Variants in CC2D1B observed in about 807,000 individuals in gnomAD.
The protein encoded by CC2D1B is coiled-coil and C2 domain containing 1B.
A neutral mutation model predicts 110.8 loss-of-function variants in CC2D1B; 92 were observed. That is an observed-to-expected ratio of 0.83 (90% CI 0.70 to 0.99). The LOEUF (loss-of-function observed/expected upper bound fraction) is 0.99, where lower values mean the gene tolerates loss of function less well. CC2D1B is among the 50% of genes least tolerant of loss of function. The pLI is 0.00. For missense variants in CC2D1B, 1,136 were observed against 1,089.0 expected, an observed-to-expected ratio of 1.04 and a Z score of -0.61; for synonymous variants, 406 against 429.2, an observed-to-expected ratio of 0.95 and a Z score of 0.67.
chr1:52,360,319 C>A, intron 6 of CC2D1B, 86 bp from the exon 7 acceptor site: 2 of 1,595,758 alleles, frequency 1.3e-6, no homozygotes, highest in South Asian at 1.1e-5. Context: ...GCCCCCCAAC[C>A]CCCAAAGTCT....
At chr1:52,354,551 T>C in intron 23 of CC2D1B, 57 bp downstream of exon 23, 4 of 1,355,324 alleles carry the variant, frequency 3.0e-6, no homozygotes, top group Non-Finnish European at 4.2e-6. Context: ...TGGCATTCAG[T>C]GCGTATTGGC....
chr1:52,365,030 A>G (rs2147899046), intron 1 of CC2D1B, among the ~76,000 whole-genome samples: 1 of 152,350 alleles, frequency 6.6e-6, no homozygotes, highest in Middle Eastern at 3.4e-3. Flanking sequence ...GCCACAACAG[A>G]CACATTCCAA....
intron 23 of CC2D1B, 63 bp from the exon 24 acceptor site, chr1:52,353,710 C>T: frequency 8.0e-7 from 1 of 1,243,474 alleles, no homozygotes; most frequent in Non-Finnish European, 1.1e-6. Context: ...CAGGCAGGTC[C>T]CTACATTCCC....
At chr1:52,354,226 G>A (rs918041404) in intron 23 of CC2D1B, 23 of 387,926 alleles carry the variant, frequency 5.9e-5, no homozygotes, top group South Asian at 4.3e-4. Flanking sequence ...ACAGTGGGAA[G>A]AGCCCCAGCC....
At chr1:52,356,693 C>G in intron 16 of CC2D1B, 1 of 603,664 alleles carries the variant, frequency 1.7e-6, no homozygotes, top group East Asian at 2.8e-5. Flanking sequence ...CTCAAACATC[C>G]CCTCAGAAGG....
In CC2D1B at chr1:52,358,451, G is replaced by A. The variant is rs147528491; in HGVS notation, c.1341C>T (p.Pro447=). The A allele has an allele frequency of 3.1e-6, 5 of 1,613,674 alleles. No homozygotes were observed. The highest frequency in any genetic ancestry group is 3.4e-6 in the Non-Finnish European group (4 of 1,179,974). ...CCATAGTGGACTCCAGGCCAGGGAT[G>A]GGGGGAAATCCTGTGGGAGAGAGAC... ...AELPVPPGFP[P]IPGLESTMGV... The change falls in exon 13 of 25, where the codon CCC becomes CCT. Residue 447 remains proline, a synonymous_variant. Coordinates refer to ENST00000284376, the MANE Select transcript of CC2D1B (RefSeq NM_001330585.2).
rs749448144 is a variant in CC2D1B at position 52,364,592 on chromosome 1, C to G, written c.29G>C (p.Gly10Ala). The G allele has an allele frequency of 2.5e-6, 4 of 1,608,174 alleles. No homozygotes were observed. The highest frequency in any genetic ancestry group is 3.3e-5 in the Admixed American group (2 of 59,890). ...CACCCCTTGGCCTCTGGCCTGAGGG[C>G]CCTTCCGAGGTCTTGGCCCTGGCAT... MMPGPRPRKGPQARGQGVAA... is the reference protein window; with the variant it reads MMPGPRPRKAPQARGQGVAA... Residue 10 changes from glycine (G) to alanine (A), a missense_variant, in exon 2 of 25, where the codon GGC (glycine) becomes GCC (alanine). Coordinates refer to ENST00000284376, the MANE Select transcript of CC2D1B (RefSeq NM_001330585.2).
At position 52,357,075 on chromosome 1, in the gene CC2D1B, CATG is replaced by C; in HGVS notation, c.1801_1803del (p.His601del). On this transcript the variant is annotated inframe_deletion, in exon 16 of 25. Coordinates refer to ENST00000284376, the MANE Select transcript of CC2D1B (RefSeq NM_001330585.2). ...GCCTTCTGGGAGAGTCGCAGGTCCT[CATG>C]GTGGATGAGGATGAAGTCACCCTCC... 2 of 1,612,142 alleles carry C rather than the reference CATG, an allele frequency of 1.2e-6. No homozygotes were observed. The highest frequency in any genetic ancestry group is 8.5e-7 in the Non-Finnish European group (1 of 1,179,200).
chr1:52,353,557 T>G lies in CC2D1B; in HGVS notation c.2521A>C (p.Thr841Pro). The change falls in exon 24 of 25, where the codon ACT (threonine) becomes CCT (proline). Residue 841 changes from threonine to proline, a missense_variant. Thr to Pro is a conservative substitution (Grantham distance 38). Transcript: ENST00000284376. ...PLSGQDVQMV[T>P]ENWLVLEPRG... ...GGCTCCAGAACCAGCCAGTTCTCAG[T>G]GACCATCTGCACATCCTGGCCACTC... 6.2e-7 allele frequency: 1 copy of G among 1,614,106 alleles called. No homozygotes were observed. Among genetic ancestry groups the G allele is most frequent in the Non-Finnish European group, 8.5e-7 (1 of 1,179,996 alleles).
At position 52,359,841 on chromosome 1, in the gene CC2D1B, G is replaced by C. The variant is rs373271493; in HGVS notation, c.806C>G (p.Ala269Gly). 6.2e-7 allele frequency: 1 copy of C among 1,611,918 alleles called. No individual in the cohort carries two copies. Among genetic ancestry groups the C allele is most frequent in the Non-Finnish European group, 8.5e-7 (1 of 1,179,096 alleles). The stretch of plus-strand genomic sequence containing the variant: ...TGGGTCTAAGTCTGAAACGGGCTGG[G>C]CAGAAATGCCAGGGAGGCTGGTCTC... ...QPETSLPGIS[A>G]QPVSDLDPDP... The change falls in exon 8 of 25, where the codon GCC (alanine) becomes GGC (glycine). Residue 269 changes from alanine (A) to glycine (G), a missense_variant. Transcript: ENST00000284376.
chr1:52,358,686 C>G lies in CC2D1B; in HGVS notation c.1330G>C (p.Gly444Arg). The G allele has an allele frequency of 6.2e-7, 1 of 1,613,240 alleles. No individual in the cohort carries two copies. The highest frequency in any genetic ancestry group is 1.1e-5 in the South Asian group (1 of 90,986). ...AGCCCCTAGGCCATGCCCCACTTAC[C>G]TGGAGGAACAGGCAATTCAGCAAAG... ...VNFAELPVPP[G>R]FPPIPGLEST... Residue 444 changes from glycine (G) to arginine (R), a missense_variant and splice_region_variant, in exon 12 of 25, where the codon GGA becomes CGA. Physicochemically the swap from Gly to Arg is moderately radical, Grantham distance 125. Transcript: ENST00000284376.
intron 3 of CC2D1B, 139 bp downstream of exon 3, chr1:52,362,463 C>G (rs1646801138): frequency 9.5e-7 from 1 of 1,050,924 alleles, no homozygotes; most frequent in Non-Finnish European, 1.4e-6. Flanking sequence ...GAGGCCGCCT[C>G]TTGGTGGGAG....
Position 52,355,786 on chromosome 1 carries a change from G to A in CC2D1B, c.2113C>T (p.Leu705Phe). 1.2e-6 allele frequency: 2 copies of A among 1,614,128 alleles called. No individual in the cohort carries two copies. The highest frequency in any genetic ancestry group is 1.7e-6 in the Non-Finnish European group (2 of 1,180,010). The change falls in exon 19 of 25, where the codon CTC becomes TTC. Residue 705 changes from leucine (L) to phenylalanine (F), a missense_variant. Transcript: ENST00000284376. Reference protein sequence around the residue: ...MHLIIVRGMNLPAPPGVTPDD... With the variant: ...MHLIIVRGMNFPAPPGVTPDD... ...CTAGGGTTACCTGGAGGGGCTGGGA[G>A]GTTCATTCCCCGGACAATGATCAGA... is the stretch of plus-strand genomic sequence containing the variant.
chr1:52,362,020 T>C (rs1299383326), intron 3 of CC2D1B, among the ~76,000 whole-genome samples: 1 of 152,244 alleles, frequency 6.6e-6, no homozygotes, highest in African/African-American at 2.4e-5. Context: ...AATTTTCCTA[T>C]CACTGCAATC....
rs1569851521 is a variant in CC2D1B at position 52,358,936 on chromosome 1, A to G, written c.1257+91T>C. 3.9e-6 allele frequency: 6 copies of G among 1,548,046 alleles called. No homozygotes were observed. The East Asian group carries it at 1.4e-4, about 35-fold the overall frequency. ...GAGACAAACAGATGATGGTTCAGAA[A>G]AGACAAGGACTAGCCGGAGGACCAG... is the stretch of plus-strand genomic sequence containing the variant. On this transcript the variant is annotated intron_variant, in intron 11 of 24. Transcript: ENST00000284376.
chr1:52,360,462 C>T lies in CC2D1B; in HGVS notation c.565G>A (p.Glu189Lys), dbSNP rs772438761. ...TCGCAGCGCCTGGCTTTGGCTGCTT[C>T]GCCTGCCTCCTTGGCACTGGCCGCA... ...EAAASAKEAG[E>K]AAKARRCERG... The change falls in exon 6 of 25, where the codon GAA (glutamate) becomes AAA (lysine). Residue 189 changes from glutamate to lysine, a missense_variant. Physicochemically the swap from Glu to Lys is moderately conservative, Grantham distance 56. Coordinates refer to ENST00000284376, the MANE Select transcript of CC2D1B (RefSeq NM_001330585.2). 7 of 1,613,940 alleles carry T rather than the reference C, an allele frequency of 4.3e-6. 1 individual carries two copies. In the South Asian group the frequency reaches 6.6e-5, roughly 15 times the overall value.
At position 52,364,384 on chromosome 1, in the gene CC2D1B, T is replaced by G. The variant is rs189162476; in HGVS notation, c.69+168A>C. On this transcript the variant is annotated intron_variant, in intron 2 of 24. Coordinates refer to ENST00000284376, the MANE Select transcript of CC2D1B (RefSeq NM_001330585.2). ...TTCCTGAACCCTCTCCCCACTTGTA[T>G]GTGGAAGAGACTAGTAGGAGGGTGT... is the stretch of plus-strand genomic sequence containing the variant. Among the ~76,000 whole-genome samples, 22 of 152,314 alleles carry G rather than the reference T, an allele frequency of 1.4e-4. 1 individual carries two copies. The East Asian group carries it at 3.7e-3, about 25-fold the overall frequency.
chr1:52,358,156 T>G, intron 13 of CC2D1B, 175 bp downstream of exon 13: 1 of 992,240 alleles, frequency 1.0e-6, no homozygotes, highest in Non-Finnish European at 1.4e-6. Flanking sequence ...AGACCTTGGT[T>G]TGAATCCTAG....
At position 52,353,232 on chromosome 1, in the gene CC2D1B, G is replaced by A. The variant is rs1272533857; in HGVS notation, c.*2-9C>T. The stretch of plus-strand genomic sequence containing the variant: ...CTGGTGCTGGCCATCGGCTACACAG[G>A]GGTGCAAAGCACAAGAAGTCAGTCT... On this transcript the variant is annotated splice_polypyrimidine_tract_variant and intron_variant, in intron 24 of 24. Coordinates refer to ENST00000284376, the MANE Select transcript of CC2D1B (RefSeq NM_001330585.2). 2 of 1,376,124 alleles carry A rather than the reference G, an allele frequency of 1.5e-6. No homozygotes were observed. The highest frequency in any genetic ancestry group is 2.9e-5 in the African/African-American group (2 of 68,614). 85.2% of individuals were successfully genotyped at this position (1,376,124 alleles called of 1,614,324 possible). A position where few individuals can be genotyped will look rare whatever the true frequency, so the allele number is the denominator to read the frequency against.
Sources: allele counts gnomAD v4.1 joint callset (sites outside exome capture counted in the v4.1 genomes callset), GRCh38; gene constraint gnomAD v4.1.1; transcripts MANE v1.5; gene names NCBI Gene and HGNC (gene_info 2026-07-23, HGNC 2026-07-21).